ABCE1: variants seen among roughly 807,000 people sequenced by gnomAD.
ABCE1 encodes ATP binding cassette subfamily E member 1, also known as ATP-binding cassette sub-family E member 1.
Under a neutral mutation model 83.4 loss-of-function variants are expected in ABCE1, and 22 were observed. That is an observed-to-expected ratio of 0.26 (90% CI 0.19 to 0.38). The LOEUF (loss-of-function observed/expected upper bound fraction) is 0.38. Among genes scored for constraint, ABCE1 ranks in the 10% least tolerant of loss-of-function variants. The pLI is 1.00. For missense variants in ABCE1, 330 were observed against 721.9 expected, an observed-to-expected ratio of 0.46 and a Z score of 6.22; for synonymous variants, 204 against 233.7, an observed-to-expected ratio of 0.87 and a Z score of 1.16.
intron 13 of ABCE1, 140 bp downstream of exon 13, chr4:145,121,531 A>G (rs763592399): frequency 1.6e-6 from 1 of 644,984 alleles, no homozygotes; most frequent in Admixed American, 3.1e-5. Context: ...ATGTATTAAG[A>G]GTCCAATCCT....
chr4:145,116,515 G>T (rs1355340860), intron 9 of ABCE1, among the ~76,000 whole-genome samples: 1 of 151,930 alleles, frequency 6.6e-6, no homozygotes, highest in Admixed American at 6.6e-5. Flanking sequence ...TTTTATTTGT[G>T]TAGGAAGCTG....
In ABCE1 at chr4:145,110,828, A is replaced by G. The variant is rs547657267; in HGVS notation, c.614-140A>G. On this transcript the variant is annotated intron_variant, in intron 7 of 17. Transcript: ENST00000296577. ...GAAAGTACACATCTTTATGTGGATT[A>G]CTGAAAATCTCCAGTAATTGTTATA... is the stretch of plus-strand genomic sequence containing the variant. The G allele has an allele frequency of 8.5e-5, 51 of 597,108 alleles. No individual in the cohort carries two copies. In the East Asian group the frequency reaches 9.0e-4, roughly 10 times the overall value. The allele number at this position is 597,108 out of a possible 1,614,324, so 37.0% of individuals were successfully genotyped here.
chr4:145,123,439 G>T (rs957277290), intron 15 of ABCE1, 39 bp from the exon 16 acceptor site: 8 of 1,589,878 alleles, frequency 5.0e-6, no homozygotes, highest in Admixed American at 3.4e-5. Context: ...AATGTTTTAT[G>T]ATAGAAAGCT....
At position 145,122,873 on chromosome 4, in the gene ABCE1, C is replaced by T. The variant is rs1004468148; in HGVS notation, c.1264-148C>T. On this transcript the variant is annotated intron_variant, in intron 13 of 17. Transcript: ENST00000296577. ...GGGTTTTGAATAGAAAATCTCAAAA[C>T]ATGTCATAGATGGTGGATACACATT... The T allele has an allele frequency of 9.0e-6, 5 of 553,252 alleles. No homozygotes were observed. The African/African-American group carries it at 9.7e-5, about 11-fold the overall frequency. The allele number at this position is 553,252 out of a possible 1,614,324, so 34.3% of individuals were successfully genotyped here.
chr4:145,127,375 C>T lies in ABCE1; in HGVS notation c.1753-151C>T, dbSNP rs1017612877. 14 of 641,756 alleles carry T rather than the reference C, an allele frequency of 2.2e-5. No individual in the cohort carries two copies. In the South Asian group the frequency reaches 3.0e-4, roughly 14 times the overall value. The allele number at this position is 641,756 out of a possible 1,614,324, so 39.8% of individuals were successfully genotyped here. A position where few individuals can be genotyped will look rare whatever the true frequency, so the allele number is the denominator to read the frequency against. ...AGTTATCTTTCCTTTGAGCAGTGGACCCAGGAATATCCAGAAACAGATGGT... is the reference window on the plus strand; with the variant it reads ...AGTTATCTTTCCTTTGAGCAGTGGATCCAGGAATATCCAGAAACAGATGGT... On this transcript the variant is annotated intron_variant, in intron 17 of 17. Coordinates refer to ENST00000296577, the MANE Select transcript of ABCE1 (RefSeq NM_002940.3).
At chr4:145,124,060 T>C (rs1275001506) in intron 16 of ABCE1, 6 of 153,072 alleles carry the variant, frequency 3.9e-5, no homozygotes, top group African/African-American at 1.4e-4. Context: ...GGTTTTACTT[T>C]TTTCGTTTTT....
intron 3 of ABCE1, among the ~76,000 whole-genome samples, chr4:145,106,657 T>G (rs1407955515): frequency 6.6e-6 from 1 of 152,074 alleles, no homozygotes; most frequent in Non-Finnish European, 1.5e-5. Context: ...GTATAATTCC[T>G]GAACACTAAG....
rs1485295098 is a variant in ABCE1 at position 145,120,147 on chromosome 4, G to A, written c.1138G>A (p.Glu380Lys). The A allele has an allele frequency of 6.2e-7, 1 of 1,600,992 alleles. No homozygotes were observed. The highest frequency in any genetic ancestry group is 8.5e-7 in the Non-Finnish European group (1 of 1,176,152). The change falls in exon 11 of 18, where the codon GAA (glutamate) becomes AAA (lysine). Residue 380 changes from glutamate (E) to lysine (K), a missense_variant. Transcript: ENST00000296577. ...TTCTGAAATTATGGTGATGCTGGGG[G>A]AAAATGGTAAGTTTTCTGTTTTGTG... ...TDSEIMVMLG[E>K]NGTGKTTFIR...
chr4:145,106,153 C>T (rs34776612), intron 3 of ABCE1, among the ~76,000 whole-genome samples: 3,004 of 151,872 alleles, frequency 0.02, 97 homozygotes, highest in African/African-American at 0.068. Flanking sequence ...GTTTTTGTTG[C>T]CTTGAATAGT....
At chr4:145,124,381 C>A (rs1749820593) in intron 16 of ABCE1, among the ~76,000 whole-genome samples, 1 of 151,340 alleles carries the variant, frequency 6.6e-6, no homozygotes, top group South Asian at 2.1e-4. Context: ...TTGAGAATTA[C>A]ATATTTCTTA....
At chr4:145,114,052 A>C (rs1041235818) in intron 9 of ABCE1, among the ~76,000 whole-genome samples, 1 of 152,194 alleles carries the variant, frequency 6.6e-6, no homozygotes, top group Non-Finnish European at 1.5e-5. Context: ...TTCAAGGAGC[A>C]CAAGTTCTAC....
intron 9 of ABCE1, 143 bp from the exon 10 acceptor site, chr4:145,117,150 G>A (rs1016542679): frequency 8.2e-6 from 5 of 610,392 alleles, no homozygotes; most frequent in Middle Eastern, 4.7e-4. Flanking sequence ...CATTGATAAT[G>A]AGCCTTACTA....
rs1749506436 is a variant in ABCE1, at chr4:145,112,443, T to G, written c.800+115T>G. 6 of 759,896 alleles carry G rather than the reference T, an allele frequency of 7.9e-6. No homozygotes were observed. In the South Asian group the frequency reaches 1.1e-4, roughly 14 times the overall value. 47.1% of individuals were successfully genotyped at this position (759,896 alleles called of 1,614,324 possible). On this transcript the variant is annotated intron_variant, in intron 9 of 17. Transcript: ENST00000296577. ...TGTACATATTTTTTATCTTGGTTGT[T>G]TATAGCTGCCACCTAAATTTACCTT... is the stretch of plus-strand genomic sequence containing the variant.
In ABCE1 at chr4:145,121,032, T is replaced by G; in HGVS notation, c.1145-142T>G. ...GGTGAGCCATGAAAGACTTAAGTAT[T>G]TTTCTATATAAACTTCAGAATTCAA... On this transcript the variant is annotated intron_variant, in intron 11 of 17. Transcript: ENST00000296577. 3 of 743,998 alleles carry G rather than the reference T, an allele frequency of 4.0e-6. No homozygotes were observed. In the South Asian group the frequency reaches 5.5e-5, roughly 14 times the overall value. The allele number at this position is 743,998 out of a possible 1,614,324, so 46.1% of individuals were successfully genotyped here. A position where few individuals can be genotyped will look rare whatever the true frequency, so the allele number is the denominator to read the frequency against.
At position 145,121,313 on chromosome 4, in the gene ABCE1, TGTATTTC is replaced by T; in HGVS notation, c.1205-19_1205-13del. 6.2e-7 allele frequency: 1 copy of T among 1,612,922 alleles called. No individual in the cohort carries two copies. Among genetic ancestry groups the T allele is most frequent in the East Asian group, 2.2e-5 (1 of 44,792 alleles). ...GATCTGGGCAGTTTTTAGTGTCTTA[TGTATTTC>T]ATTATTTTGCAGGAGAAGTACCAGT... is the stretch of plus-strand genomic sequence containing the variant. On this transcript the variant is annotated splice_polypyrimidine_tract_variant and intron_variant, in intron 12 of 17. Coordinates refer to ENST00000296577, the MANE Select transcript of ABCE1 (RefSeq NM_002940.3).
intron 3 of ABCE1, among the ~76,000 whole-genome samples, chr4:145,107,777 G>T (rs1290326558): frequency 6.6e-6 from 1 of 152,168 alleles, no homozygotes; most frequent in East Asian, 1.9e-4. Context: ...CAATTTTTTG[G>T]TGTACTCGGC....
intron 10 of ABCE1, among the ~76,000 whole-genome samples, chr4:145,117,979 T>C (rs1749648751): frequency 6.6e-6 from 1 of 151,710 alleles, no homozygotes; most frequent in South Asian, 2.1e-4. Context: ...TAAGCAAAAA[T>C]AGAAACTAGC....
chr4:145,108,820 G>A (rs1379952494), intron 4 of ABCE1, among the ~76,000 whole-genome samples: 2 of 152,156 alleles, frequency 1.3e-5, no homozygotes, highest in South Asian at 2.1e-4. Context: ...TTAAAACTGG[G>A]CCTTATATGT....
intron 9 of ABCE1, among the ~76,000 whole-genome samples, chr4:145,114,649 G>A (rs1020245181): frequency 1.3e-5 from 2 of 151,906 alleles, no homozygotes; most frequent in African/African-American, 4.8e-5. Flanking sequence ...ATAAATAAGT[G>A]TAGATGGACC....
Sources: allele counts gnomAD v4.1 joint callset (sites outside exome capture counted in the v4.1 genomes callset), GRCh38; gene constraint gnomAD v4.1.1; transcripts MANE v1.5; gene names NCBI Gene and HGNC (gene_info 2026-07-23, HGNC 2026-07-21).